The following ESR1 variants were observed in gnomAD, a reference collection of about 807,000 sequenced individuals.
ESR1 encodes estrogen receptor.
In ESR1, 12 loss-of-function variants were observed where a neutral mutation model predicts 52.7. The ratio of observed to expected loss-of-function variants is 0.23; its 90% CI spans 0.15 to 0.37. The LOEUF (loss-of-function observed/expected upper bound fraction) is 0.37, where lower values mean the gene tolerates loss of function less well. Among genes scored for constraint, ESR1 ranks in the 10% least tolerant of loss-of-function variants. The pLI, the probability that ESR1 is intolerant of heterozygous loss-of-function variation, is 1.00. For missense variants in ESR1, 584 were observed against 779.7 expected (o/e 0.75, Z 2.99); for synonymous variants, 305 against 316.8 (o/e 0.96, Z 0.39).
intron 5 of ESR1, among the ~76,000 whole-genome samples, chr6:152,036,238 T>C (rs796739551): frequency 4.1e-4 from 63 of 152,290 alleles, no homozygotes; most frequent in African/African-American, 1.4e-3. Context: ...CGGGTGCCTG[T>C]AGTCCCAGCT....
chr6:152,117,704 C>T (rs990924845), intron 6 of ESR1, among the ~76,000 whole-genome samples: 2 of 152,214 alleles, frequency 1.3e-5, no homozygotes, highest in Non-Finnish European at 2.9e-5. Flanking sequence ...CCTTAGCTTC[C>T]TTCGGCTGCA....
intron 3 of ESR1, among the ~76,000 whole-genome samples, chr6:151,901,752 C>A (rs1024491162): frequency 3.8e-4 from 58 of 152,226 alleles, no homozygotes; most frequent in African/African-American, 1.4e-3. Flanking sequence ...ATCCCCCTTT[C>A]CTACTTTCAC....
chr6:151,831,759 A>G (rs1483736723), intron 1 of ESR1, among the ~76,000 whole-genome samples: 1 of 152,194 alleles, frequency 6.6e-6, no homozygotes, highest in Non-Finnish European at 1.5e-5. Flanking sequence ...AAATGAATTA[A>G]TCCATGTAAA....
At chr6:151,907,726 C>T (rs905627727) in intron 3 of ESR1, among the ~76,000 whole-genome samples, 5 of 152,066 alleles carry the variant, frequency 3.3e-5, no homozygotes, top group Admixed American at 1.3e-4. Context: ...TTGCTAAATC[C>T]TTGCACGCCA....
upstream of ESR1, chr6:151,804,877 C>G (rs906216663): frequency 6.6e-6 from 1 of 152,028 alleles, no homozygotes; most frequent in African/African-American, 2.4e-5. Flanking sequence ...GTACTATGGC[C>G]GAGAGAATAG....
intron 5 of ESR1, among the ~76,000 whole-genome samples, chr6:152,047,763 G>T (rs887597255): frequency 6.6e-6 from 1 of 152,010 alleles, no homozygotes; most frequent in African/African-American, 2.4e-5. Flanking sequence ...AAAAGTATAA[G>T]AGAAACACAA....
At chr6:152,001,364 C>T (rs753965371) in intron 4 of ESR1, among the ~76,000 whole-genome samples, 13 of 151,888 alleles carry the variant, frequency 8.6e-5, no homozygotes, top group Admixed American at 1.3e-4. Flanking sequence ...AGAAAGGGGA[C>T]GAAAGGGGCT....
intron 2 of ESR1, among the ~76,000 whole-genome samples, chr6:151,725,463 T>C (rs1234926992): frequency 6.6e-6 from 1 of 152,230 alleles, no homozygotes; most frequent in East Asian, 1.9e-4. Context: ...GATTTGAGAC[T>C]ATAGAGTTTC....
At chr6:151,998,286 C>T (rs2041664223) in intron 4 of ESR1, among the ~76,000 whole-genome samples, 1 of 152,140 alleles carries the variant, frequency 6.6e-6, no homozygotes, top group Non-Finnish European at 1.5e-5. Context: ...GCAATTTACA[C>T]ATAGCCTCAA....
intron 4 of ESR1, among the ~76,000 whole-genome samples, chr6:151,998,491 A>C (rs535992583): frequency 2.5e-4 from 38 of 152,178 alleles, no homozygotes; most frequent in African/African-American, 8.7e-4. Flanking sequence ...GGGCAAATGC[A>C]TCCTCCTTCC....
chr6:151,846,142 T>G (rs182482822), intron 2 of ESR1, among the ~76,000 whole-genome samples: 7 of 152,236 alleles, frequency 4.6e-5, no homozygotes, highest in Non-Finnish European at 7.4e-5. Flanking sequence ...GAATGCATGT[T>G]TAGCCATGTG....
At chr6:151,680,744 C>G (rs918430649) in intron 1 of ESR1, among the ~76,000 whole-genome samples, 24 of 152,158 alleles carry the variant, frequency 1.6e-4, no homozygotes, top group African/African-American at 5.8e-4. Flanking sequence ...AGAATATAAG[C>G]TTCAGGAGGT....
At chr6:152,064,987 C>A (rs1252059120) in intron 6 of ESR1, among the ~76,000 whole-genome samples, 1 of 152,172 alleles carries the variant, frequency 6.6e-6, no homozygotes, top group Non-Finnish European at 1.5e-5. Flanking sequence ...GTGTCTATTG[C>A]AGTTCATGGA....
chr6:151,826,655 C>T (rs1325990286), intron 1 of ESR1, among the ~76,000 whole-genome samples: 1 of 152,204 alleles, frequency 6.6e-6, no homozygotes, highest in East Asian at 1.9e-4. Flanking sequence ...TGGCTTGTCT[C>T]CCGTGCTCTT....
chr6:152,000,580 C>T (rs977918114), intron 4 of ESR1, among the ~76,000 whole-genome samples: 56 of 152,020 alleles, frequency 3.7e-4, no homozygotes, highest in African/African-American at 1.3e-3. Context: ...TGAGATAAGT[C>T]AATTCTCTTC....
In ESR1 at chr6:152,101,000, G is replaced by T. The variant is rs1348141123; in HGVS notation, c.*2034G>T. 1 of 229,760 alleles carries T rather than the reference G, an allele frequency of 4.4e-6. No homozygotes were observed. Among genetic ancestry groups the T allele is most frequent in the Non-Finnish European group, 8.6e-6 (1 of 116,474 alleles). The allele number at this position is 229,760 out of a possible 1,614,324, so 14.2% of individuals were successfully genotyped here. A position where few individuals can be genotyped will look rare whatever the true frequency, so the allele number is the denominator to read the frequency against. On this transcript the variant is annotated 3_prime_UTR_variant, in exon 8 of 8. Transcript: ENST00000206249. ...ATTCTGTTCTGGATTTAATTTGACT[G>T]GGTTAACATGCAAAAACCAAGGAAA...
At chr6:151,793,974 A>G (rs915543095) in intron 2 of ESR1, among the ~76,000 whole-genome samples, 1 of 152,176 alleles carries the variant, frequency 6.6e-6, no homozygotes, top group African/African-American at 2.4e-5. Flanking sequence ...GGAGAATAGG[A>G]TGTCTTCTGT....
intron 6 of ESR1, among the ~76,000 whole-genome samples, chr6:152,093,351 TCTTTC>T (rs2050350556): frequency 1.1e-5 from 1 of 89,258 alleles, no homozygotes; most frequent in Non-Finnish European, 2.4e-5. Context: ...TCTCTCTCTC[TCTTTC>T]TCTCTCTCTC....
intron 4 of ESR1, among the ~76,000 whole-genome samples, chr6:151,962,147 T>C (rs1195444773): frequency 6.6e-6 from 1 of 152,170 alleles, no homozygotes; most frequent in Non-Finnish European, 1.5e-5. Context: ...TTCTGCCGTC[T>C]TCTAGGCATT....
Sources: gnomAD v4.1 joint callset for allele counts (sites outside exome capture counted in the v4.1 genomes callset) on GRCh38, gnomAD v4.1.1 for gene constraint, MANE v1.5 for transcripts, NCBI Gene and HGNC (gene_info 2026-07-23, HGNC 2026-07-21) for gene names.